SPATA22: variants seen among roughly 807,000 people sequenced by gnomAD.
SPATA22 encodes the protein spermatogenesis-associated protein 22.
SPATA22 carries 29 observed loss-of-function variants against 47.8 expected under a neutral mutation model. The observed-to-expected ratio is 0.61, with a 90% confidence interval of 0.45 to 0.83. The LOEUF (loss-of-function observed/expected upper bound fraction) is 0.83, where lower values mean the gene tolerates loss of function less well. Among genes scored for constraint, SPATA22 ranks in the 40% least tolerant of loss-of-function variants. The pLI, the probability that SPATA22 is intolerant of heterozygous loss-of-function variation, is 0.00. For missense variants in SPATA22, 410 were observed against 421.7 expected (o/e 0.97, Z 0.24); for synonymous variants, 133 against 140.9 (o/e 0.94, Z 0.40).
At chr17:3,495,924 A>G (rs1316310206) in intron 1 of SPATA22, among the ~76,000 whole-genome samples, 1 of 152,176 alleles carries the variant, frequency 6.6e-6, no homozygotes, top group African/African-American at 2.4e-5. Flanking sequence ...AGAAAGCACT[A>G]TTGGTGACAA....
chr17:3,461,754 G>T (rs2073130768), intron 5 of SPATA22, among the ~76,000 whole-genome samples: 2 of 152,094 alleles, frequency 1.3e-5, no homozygotes, highest in Non-Finnish European at 2.9e-5. Context: ...AACTTCATAT[G>T]GTTGTTGTAA....
chr17:3,465,143 C>G lies in SPATA22; in HGVS notation c.172+2283G>C, dbSNP rs1255658392. Among the ~76,000 whole-genome samples the G allele has an allele frequency of 1.1e-3, 119 of 107,416 alleles. 13 individuals carry two copies. The South Asian group carries it at 0.031, about 28-fold the overall frequency. 70.5% of individuals were successfully genotyped at this position (107,416 alleles called of 152,430 possible). A position where few individuals can be genotyped will look rare whatever the true frequency, so the allele number is the denominator to read the frequency against. The stretch of plus-strand genomic sequence containing the variant: ...GTCTCCGCCCGGCAGCCACCCCGTC[C>G]GGGAGGGAGGTGGGGGGGTCAGCCC... On this transcript the variant is annotated intron_variant, in intron 3 of 8. Transcript: ENST00000572969.
chr17:3,455,920 C>G (rs2072981724), intron 5 of SPATA22, among the ~76,000 whole-genome samples: 3 of 152,040 alleles, frequency 2.0e-5, no homozygotes, highest in African/African-American at 7.2e-5. Context: ...ATTCTTCCTA[C>G]CCATGAGCAT....
At chr17:3,455,483 G>A (rs1158604186) in intron 5 of SPATA22, among the ~76,000 whole-genome samples, 1 of 146,904 alleles carries the variant, frequency 6.8e-6, no homozygotes, top group Admixed American at 6.9e-5. Context: ...TAAGGTGTAA[G>A]GAAGGGATCC....
intron 5 of SPATA22, among the ~76,000 whole-genome samples, chr17:3,459,552 T>C (rs7501618): frequency 0.33 from 49,999 of 152,000 alleles, 10,536 homozygotes; most frequent in Non-Finnish European, 0.48. Flanking sequence ...ATTACAGGCA[T>C]GCGCCACCAC....
intron 5 of SPATA22, among the ~76,000 whole-genome samples, chr17:3,451,049 T>G (rs1193534465): frequency 1.3e-5 from 2 of 152,192 alleles, no homozygotes. Flanking sequence ...TCCAACTGTA[T>G]GCTGTCTACA....
At chr17:3,478,546 A>C (rs1447768239) in intron 1 of SPATA22, among the ~76,000 whole-genome samples, 1 of 152,206 alleles carries the variant, frequency 6.6e-6, no homozygotes, top group Non-Finnish European at 1.5e-5. Flanking sequence ...GAATTTGTTG[A>C]AGGATAACTT....
At chr17:3,491,244 G>A (rs1319020502) in intron 1 of SPATA22, among the ~76,000 whole-genome samples, 1 of 152,140 alleles carries the variant, frequency 6.6e-6, no homozygotes, top group Non-Finnish European at 1.5e-5. Flanking sequence ...AATGTTTAAG[G>A]TTAACAACAT....
chr17:3,471,971 T>C, upstream of SPATA22: 1 of 568,884 alleles, frequency 1.8e-6, no homozygotes, highest in Non-Finnish European at 2.2e-6. Context: ...CAGGGATGGC[T>C]CCAGCTCCTT....
chr17:3,456,101 G>A (rs757278642), intron 5 of SPATA22, among the ~76,000 whole-genome samples: 11 of 152,122 alleles, frequency 7.2e-5, no homozygotes, highest in Non-Finnish European at 1.3e-4. Context: ...CTGTTTGTCT[G>A]TTATTGGTGT....
At chr17:3,469,985 C>T (rs1567605274) in intron 1 of SPATA22, among the ~76,000 whole-genome samples, 2 of 148,064 alleles carry the variant, frequency 1.4e-5, no homozygotes, top group Admixed American at 6.9e-5. Flanking sequence ...CCCAGCTACT[C>T]GGGAGGCCGA....
chr17:3,508,897 T>TAAAAAA (rs59201485), intron 1 of SPATA22, among the ~76,000 whole-genome samples: 21 of 112,978 alleles, frequency 1.9e-4, no homozygotes, highest in African/African-American at 2.9e-4. Context: ...GCTTAAAGTA[T>TAAAAAA]AAAAAAAAAA....
chr17:3,481,731 T>C (rs779924411), intron 1 of SPATA22: 1 of 1,613,726 alleles, frequency 6.2e-7, no homozygotes, highest in South Asian at 1.1e-5. Flanking sequence ...ACCTCTAACA[T>C]GGGGTGCACT....
At chr17:3,482,896 C>T (rs1031626892) in intron 1 of SPATA22, among the ~76,000 whole-genome samples, 44 of 149,426 alleles carry the variant, frequency 2.9e-4, no homozygotes, top group Non-Finnish European at 5.9e-5. Context: ...CCCATTAACT[C>T]GTCATTTAGC....
chr17:3,497,592 G>A (rs185228655), intron 1 of SPATA22, among the ~76,000 whole-genome samples: 2 of 152,282 alleles, frequency 1.3e-5, no homozygotes, highest in African/African-American at 2.4e-5. Context: ...TATCTGAAAT[G>A]GGCCAGCCCC....
At chr17:3,499,132 T>G (rs765729393) in intron 1 of SPATA22, 1 of 1,584,216 alleles carries the variant, frequency 6.3e-7, no homozygotes, top group Non-Finnish European at 8.6e-7. Flanking sequence ...TTACAAATTC[T>G]GCTAGTCTGT....
intron 5 of SPATA22, among the ~76,000 whole-genome samples, chr17:3,449,449 T>A (rs978013771): frequency 1.3e-5 from 2 of 152,200 alleles, no homozygotes; most frequent in Non-Finnish European, 2.9e-5. Context: ...TACTACAAAG[T>A]ATATTTTTAA....
exon 1 of SPATA22, chr17:3,513,741 A>T (rs936243987): frequency 5.7e-6 from 3 of 526,414 alleles, no homozygotes; most frequent in Admixed American, 3.2e-5. Flanking sequence ...CACTCAGACA[A>T]ATTGACAACT....
At chr17:3,466,274 G>A (rs2073312031) in intron 3 of SPATA22, among the ~76,000 whole-genome samples, 1 of 151,504 alleles carries the variant, frequency 6.6e-6, no homozygotes, top group Non-Finnish European at 1.5e-5. Context: ...CCCCCAAAAT[G>A]TAAATGTATA....
Sources: gnomAD v4.1 joint callset for allele counts (sites outside exome capture counted in the v4.1 genomes callset) on GRCh38, gnomAD v4.1.1 for gene constraint, MANE v1.5 for transcripts, NCBI Gene and HGNC (gene_info 2026-07-23, HGNC 2026-07-21) for gene names.